SCFD2: variants seen among roughly 807,000 people sequenced by gnomAD.
SCFD2 encodes sec1 family domain-containing protein 2.
SCFD2 carries 54 observed loss-of-function variants against 58.9 expected under a neutral mutation model. The ratio of observed to expected loss-of-function variants is 0.92; its 90% CI spans 0.74 to 1.15. SCFD2 has a LOEUF of 1.15. SCFD2 is among the 50% of genes most tolerant of loss of function. The pLI, the probability that SCFD2 is intolerant of heterozygous loss-of-function variation, is 0.00. For missense variants in SCFD2, 805 were observed against 836.6 expected (o/e 0.96, Z 0.47); for synonymous variants, 321 against 335.9 (o/e 0.96, Z 0.49).
chr4:53,263,043 T>C (rs1730873375), intron 4 of SCFD2, among the ~76,000 whole-genome samples: 1 of 152,112 alleles, frequency 6.6e-6, no homozygotes, highest in African/African-American at 2.4e-5. Flanking sequence ...TCAATTTTAT[T>C]GCTGAGACTT....
chr4:53,330,431 G>T (rs1733404630), intron 2 of SCFD2, among the ~76,000 whole-genome samples: 1 of 151,984 alleles, frequency 6.6e-6, no homozygotes, highest in African/African-American at 2.4e-5. Context: ...AGAGAGTGGG[G>T]GGCAATATTC....
chr4:53,337,661 A>T (rs1413752416), intron 2 of SCFD2, among the ~76,000 whole-genome samples: 2 of 152,234 alleles, frequency 1.3e-5, no homozygotes, highest in Non-Finnish European at 2.9e-5. Context: ...AACTGGACAC[A>T]GCCTAGGTTT....
chr4:52,911,709 C>T lies in SCFD2; in HGVS notation c.1708-4118G>A, dbSNP rs552210038. ...GTTGCATTCTCTCTGATTATCTTTT[C>T]ATATAACAACAATTTTGAAATAACA... On this transcript the variant is annotated intron_variant, in intron 6 of 8. Transcript: ENST00000401642. Among the ~76,000 whole-genome samples, 4 of 152,318 alleles carry T rather than the reference C, an allele frequency of 2.6e-5. No homozygotes were observed. The South Asian group carries it at 8.3e-4, about 32-fold the overall frequency.
At chr4:53,142,529 A>C (rs1726200835) in intron 5 of SCFD2, among the ~76,000 whole-genome samples, 1 of 152,232 alleles carries the variant, frequency 6.6e-6, no homozygotes. Context: ...AACTGTAGGC[A>C]AGTTCACTGT....
rs1380019574 is a variant in SCFD2 at position 53,062,461 on chromosome 4, TC to T, written c.1561+82871del. ...TGTTTGCTTTCATTAGACCCATACT[TC>T]CTTGTAGACAACAGTTGATTTAGAA... On this transcript the variant is annotated intron_variant, in intron 5 of 8. Coordinates refer to ENST00000401642, the MANE Select transcript of SCFD2 (RefSeq NM_152540.4). 2.6e-5 allele frequency among the ~76,000 whole-genome samples: 4 copies of T among 152,270 alleles called. No individual in the cohort carries two copies. In the East Asian group the frequency reaches 5.8e-4, roughly 22 times the overall value.
intron 3 of SCFD2, among the ~76,000 whole-genome samples, chr4:53,296,957 T>A (rs1732057310): frequency 6.6e-6 from 1 of 152,190 alleles, no homozygotes; most frequent in Non-Finnish European, 1.5e-5. Flanking sequence ...CTTGAGTGAG[T>A]TTCTTAATCC....
intron 4 of SCFD2, among the ~76,000 whole-genome samples, chr4:53,166,986 C>T (rs1224488421): frequency 6.6e-6 from 1 of 152,100 alleles, no homozygotes; most frequent in Non-Finnish European, 1.5e-5. Context: ...AAGTCAGGGG[C>T]CTTTACCTCC....
rs1470854118 is a variant in SCFD2 at position 53,351,715 on chromosome 4, G to T, written c.1007+883C>A. On this transcript the variant is annotated intron_variant, in intron 2 of 8. Transcript: ENST00000401642. ...AACACACCAAATGGACAAAAGTCTAGAACTTCCCATTTTCTTCCCACATTG... is the reference window on the plus strand; with the variant it reads ...AACACACCAAATGGACAAAAGTCTATAACTTCCCATTTTCTTCCCACATTG... Among the ~76,000 whole-genome samples, 3 of 152,080 alleles carry T rather than the reference G, an allele frequency of 2.0e-5. No homozygotes were observed. The South Asian group carries it at 6.2e-4, about 32-fold the overall frequency.
intron 5 of SCFD2, among the ~76,000 whole-genome samples, chr4:52,989,111 G>A (rs1257315888): frequency 6.6e-6 from 1 of 152,194 alleles, no homozygotes; most frequent in Non-Finnish European, 1.5e-5. Flanking sequence ...AGGGAGTCCA[G>A]ACTCCCACCT....
intron 2 of SCFD2, among the ~76,000 whole-genome samples, chr4:53,344,220 C>G (rs10028890): frequency 6.6e-6 from 1 of 151,714 alleles, no homozygotes; most frequent in African/African-American, 2.4e-5. Flanking sequence ...AGCCCAAAAT[C>G]TCCTTAAGCT....
chr4:53,274,092 T>C (rs974106003), intron 3 of SCFD2, 91 bp from the exon 4 acceptor site: 2 of 1,152,900 alleles, frequency 1.7e-6, no homozygotes, highest in African/African-American at 3.1e-5. Context: ...TGTCTTGTAT[T>C]TGGGCAGAAC....
At chr4:53,219,528 G>A (rs1044192976) in intron 4 of SCFD2, among the ~76,000 whole-genome samples, 11 of 152,048 alleles carry the variant, frequency 7.2e-5, no homozygotes, top group Admixed American at 2.6e-4. Context: ...TCCAGGTACC[G>A]TCCGTCACTG....
At chr4:53,359,412 T>A (rs768705157) in intron 1 of SCFD2, among the ~76,000 whole-genome samples, 1 of 152,188 alleles carries the variant, frequency 6.6e-6, no homozygotes. Context: ...GTCTCTTAAA[T>A]TGAAATTCAA....
In SCFD2 at chr4:53,236,451, G is replaced by GAT. The variant is rs146595901; in HGVS notation, c.1311+37373_1311+37374dup. Among the ~76,000 whole-genome samples the GAT allele has an allele frequency of 4.9e-3, 711 of 144,586 alleles. 2 individuals are homozygous for GAT. Among genetic ancestry groups the GAT allele is most frequent in the African/African-American group, 0.012 (458 of 39,584 alleles). 94.9% of individuals were successfully genotyped at this position (144,586 alleles called of 152,430 possible). On this transcript the variant is annotated intron_variant, in intron 4 of 8. Coordinates refer to ENST00000401642, the MANE Select transcript of SCFD2 (RefSeq NM_152540.4). ...GATATATATATCACACATATATAAG[G>GAT]ATATATATATATATATATCCCATTA...
At chr4:53,056,419 A>G (rs1577691631) in intron 5 of SCFD2, among the ~76,000 whole-genome samples, 1 of 152,156 alleles carries the variant, frequency 6.6e-6, no homozygotes, top group South Asian at 2.1e-4. Context: ...TGTGAAATGT[A>G]TATGTTTTGC....
At chr4:53,108,851 C>T (rs963964379) in intron 5 of SCFD2, among the ~76,000 whole-genome samples, 4 of 152,174 alleles carry the variant, frequency 2.6e-5, no homozygotes, top group Non-Finnish European at 4.4e-5. Context: ...AGGGACTCCC[C>T]TCTAACTCAC....
intron 5 of SCFD2, among the ~76,000 whole-genome samples, chr4:52,996,778 T>A (rs1199520954): frequency 6.6e-6 from 1 of 152,202 alleles, no homozygotes; most frequent in Non-Finnish European, 1.5e-5. Flanking sequence ...TCTGTTACTT[T>A]TCCCAACCAA....
At chr4:52,937,092 T>C (rs1720157261) in intron 5 of SCFD2, among the ~76,000 whole-genome samples, 1 of 152,218 alleles carries the variant, frequency 6.6e-6, no homozygotes, top group Non-Finnish European at 1.5e-5. Flanking sequence ...ATATTTTACA[T>C]GTGGCCAAAA....
chr4:53,105,743 A>G (rs1202954634), intron 5 of SCFD2, among the ~76,000 whole-genome samples: 1 of 152,160 alleles, frequency 6.6e-6, no homozygotes, highest in Non-Finnish European at 1.5e-5. Context: ...TGGGGGAAGG[A>G]GCGGCTGTGG....
Sources: gnomAD v4.1 joint callset for allele counts (sites outside exome capture counted in the v4.1 genomes callset) on GRCh38, gnomAD v4.1.1 for gene constraint, MANE v1.5 for transcripts, NCBI Gene and HGNC (gene_info 2026-07-23, HGNC 2026-07-21) for gene names.